ITGA9: variants seen among roughly 807,000 people sequenced by gnomAD.
ITGA9 encodes integrin subunit alpha 9, also known as integrin alpha-9.
A neutral mutation model predicts 127.8 loss-of-function variants in ITGA9; 56 were observed. The ratio of observed to expected loss-of-function variants is 0.44; its 90% CI spans 0.35 to 0.55. The LOEUF is 0.55. ITGA9 is among the 20% of genes least tolerant of loss of function. The pLI, the probability that ITGA9 is intolerant of heterozygous loss-of-function variation, is 0.00. For synonymous variants in ITGA9, 508 were observed against 514.5 expected, an observed-to-expected ratio of 0.99 and a Z score of 0.17; for missense variants, 1,196 against 1,347.1, an observed-to-expected ratio of 0.89 and a Z score of 1.76.
Position 37,683,877 on chromosome 3 carries a change from A to G in ITGA9, c.1929A>G (p.Lys643=). 6.2e-7 allele frequency: 1 copy of G among 1,614,054 alleles called. No homozygotes were observed. The change falls in exon 18 of 28, where the codon AAA becomes AAG. Residue 643 remains lysine, a synonymous_variant. Coordinates refer to ENST00000264741, the MANE Select transcript of ITGA9 (RefSeq NM_002207.3). ...GKLLLSSMDE[K]TLYLALGAVK... ...TTTTTCGTTACAGTATGGATGAGAA[A>G]ACCCTGTATCTAGCTTTGGGGGCTG...
At chr3:37,714,958 C>T (rs1185129569) in intron 18 of ITGA9, among the ~76,000 whole-genome samples, 1 of 152,190 alleles carries the variant, frequency 6.6e-6, no homozygotes, top group Non-Finnish European at 1.5e-5. Flanking sequence ...TTGGAAAGTT[C>T]CCTCACCCTC....
At chr3:37,634,786 C>T (rs898729118) in intron 16 of ITGA9, among the ~76,000 whole-genome samples, 12 of 152,104 alleles carry the variant, frequency 7.9e-5, no homozygotes, top group African/African-American at 1.7e-4. Flanking sequence ...CATCCAACAG[C>T]GACAGAATAC....
At chr3:37,533,065 G>A (rs1293068241) in intron 13 of ITGA9, among the ~76,000 whole-genome samples, 1 of 152,180 alleles carries the variant, frequency 6.6e-6, no homozygotes, top group African/African-American at 2.4e-5. Context: ...TCAACCAGAT[G>A]CGTTTTATTA....
intron 1 of ITGA9, among the ~76,000 whole-genome samples, chr3:37,464,116 AGTGTGTGT>A (rs10603611): frequency 0.051 from 7,297 of 144,238 alleles, 212 homozygotes; most frequent in Non-Finnish European, 0.058. Context: ...AGAAGGTGTG[AGTGTGTGT>A]GTGTGTGTGT....
chr3:37,468,346 C>T (rs1698393783), intron 1 of ITGA9, among the ~76,000 whole-genome samples: 2 of 152,058 alleles, frequency 1.3e-5, no homozygotes, highest in South Asian at 4.2e-4. Context: ...GTCTCCCTGG[C>T]TCTTTGTACC....
chr3:37,748,780 A>G (rs113743987), intron 22 of ITGA9: 92 of 705,878 alleles, frequency 1.3e-4, no homozygotes, highest in African/African-American at 1.3e-3. Context: ...AGGAAGCCAA[A>G]CAGAAAGATA....
intron 18 of ITGA9, among the ~76,000 whole-genome samples, chr3:37,691,908 T>C (rs1453727061): frequency 6.6e-6 from 1 of 152,184 alleles, no homozygotes; most frequent in East Asian, 1.9e-4. Flanking sequence ...TACTTCACAG[T>C]GATTGCAAGA....
At chr3:37,581,678 C>G (rs1385841096) in intron 15 of ITGA9, among the ~76,000 whole-genome samples, 2 of 152,192 alleles carry the variant, frequency 1.3e-5, no homozygotes, top group Non-Finnish European at 2.9e-5. Flanking sequence ...CATCAGGACC[C>G]CTGATATCCA....
chr3:37,684,766 G>A (rs1441258372), intron 18 of ITGA9, among the ~76,000 whole-genome samples: 6 of 152,268 alleles, frequency 3.9e-5, no homozygotes, highest in African/African-American at 1.4e-4. Flanking sequence ...ACCGCCCCTG[G>A]CCTTCCTAAC....
At chr3:37,457,886 A>T (rs1422933675) in intron 1 of ITGA9, among the ~76,000 whole-genome samples, 3 of 152,224 alleles carry the variant, frequency 2.0e-5, no homozygotes, top group Non-Finnish European at 4.4e-5. Context: ...TCAACCAGTC[A>T]TTAACGGCCC....
chr3:37,528,930 T>C lies in ITGA9; in HGVS notation c.1373+2859T>C, dbSNP rs1699121781. Among the ~76,000 whole-genome samples, 4 of 152,344 alleles carry C rather than the reference T, an allele frequency of 2.6e-5. No individual in the cohort carries two copies. The South Asian group carries it at 8.3e-4, about 32-fold the overall frequency. ...CTGGCTGGTCATACCCCTCTCCTGA[T>C]AGACAACCACTGTTCTGACTTCTAT... On this transcript the variant is annotated intron_variant, in intron 13 of 27. Transcript: ENST00000264741.
At chr3:37,632,897 G>T (rs1227864090) in intron 16 of ITGA9, among the ~76,000 whole-genome samples, 1 of 152,106 alleles carries the variant, frequency 6.6e-6, no homozygotes, top group Non-Finnish European at 1.5e-5. Context: ...CAAAGTATGT[G>T]GTAAAAATAA....
intron 3 of ITGA9, among the ~76,000 whole-genome samples, chr3:37,475,155 C>G (rs902373491): frequency 6.6e-6 from 1 of 152,240 alleles, no homozygotes; most frequent in African/African-American, 2.4e-5. Context: ...TGGCCTGACC[C>G]TGACTGGACA....
chr3:37,639,337 A>C (rs1700310707), intron 16 of ITGA9, among the ~76,000 whole-genome samples: 2 of 152,214 alleles, frequency 1.3e-5, no homozygotes, highest in Non-Finnish European at 2.9e-5. Context: ...GTCCAGGAAT[A>C]ATTTACAAAG....
intron 18 of ITGA9, among the ~76,000 whole-genome samples, chr3:37,717,869 T>TTTAG (rs748418486): frequency 7.4e-4 from 113 of 152,324 alleles, no homozygotes; most frequent in East Asian, 2.3e-3. Context: ...TAGTAGACTT[T>TTTAG]TTAGTTAGTT....
At position 37,779,870 on chromosome 3, in the gene ITGA9, C is replaced by T. The variant is rs768192894; in HGVS notation, c.2668-32C>T. The T allele has an allele frequency of 1.6e-5, 26 of 1,611,964 alleles. No homozygotes were observed. The Middle Eastern group carries it at 6.6e-4, about 41-fold the overall frequency. On this transcript the variant is annotated intron_variant, in intron 24 of 27. Coordinates refer to ENST00000264741, the MANE Select transcript of ITGA9 (RefSeq NM_002207.3). Reference sequence around the variant, plus strand: ...TGTGGATTTGTCTTTGTTCTTAATTCCATTGGAAATTTTTCTGACTTTTCT... The same window carrying T: ...TGTGGATTTGTCTTTGTTCTTAATTTCATTGGAAATTTTTCTGACTTTTCT...
At chr3:37,759,924 A>G (rs1696703604) in intron 23 of ITGA9, among the ~76,000 whole-genome samples, 1 of 141,538 alleles carries the variant, frequency 7.1e-6, no homozygotes, top group African/African-American at 2.6e-5. Context: ...CAACAAATAA[A>G]TAAAAGAAAG....
intron 25 of ITGA9, among the ~76,000 whole-genome samples, chr3:37,784,168 C>T (rs1697011169): frequency 6.6e-6 from 1 of 152,220 alleles, no homozygotes; most frequent in Non-Finnish European, 1.5e-5. Flanking sequence ...AGCCAGGCTG[C>T]CCTTCTGCTC....
intron 25 of ITGA9, among the ~76,000 whole-genome samples, chr3:37,781,258 CTAA>C: frequency 6.6e-6 from 1 of 152,232 alleles, no homozygotes; most frequent in Non-Finnish European, 1.5e-5. Context: ...TGAAGGTTGG[CTAA>C]CCTTTTCTGT....
Sources: allele counts gnomAD v4.1 joint callset (sites outside exome capture counted in the v4.1 genomes callset), GRCh38; gene constraint gnomAD v4.1.1; transcripts MANE v1.5; gene names NCBI Gene and HGNC (gene_info 2026-07-23, HGNC 2026-07-21).